Variants in MTIF2 observed in about 807,000 individuals in gnomAD.
MTIF2 encodes the protein translation initiation factor IF-2, mitochondrial.
In MTIF2, 71 loss-of-function variants were observed where a neutral mutation model predicts 83.5. The observed-to-expected ratio is 0.85, with a 90% confidence interval of 0.70 to 1.04. MTIF2 has a LOEUF of 1.04. MTIF2 is among the 50% of genes least tolerant of loss of function. MTIF2 has a pLI of 0.00. For missense variants in MTIF2, 957 were observed against 846.5 expected, an observed-to-expected ratio of 1.13 and a Z score of -1.62; for synonymous variants, 319 against 287.1, an observed-to-expected ratio of 1.11 and a Z score of -1.12.
chr2:55,237,193 A>T, intron 15 of MTIF2, 95 bp downstream of exon 15: 5 of 1,345,736 alleles, frequency 3.7e-6, no homozygotes, highest in Non-Finnish European at 5.1e-6. Flanking sequence ...AGCTGAGATT[A>T]TGGGCATGAA....
chr2:55,239,506 AAC>A (rs770631657), intron 14 of MTIF2, among the ~76,000 whole-genome samples: 10 of 152,202 alleles, frequency 6.6e-5, no homozygotes, highest in East Asian at 1.9e-4. Flanking sequence ...TTAATAAAAA[AAC>A]ACAAAATCTA....
chr2:55,246,270 T>G, intron 10 of MTIF2, 67 bp downstream of exon 10: 1 of 1,465,256 alleles, frequency 6.8e-7, no homozygotes, highest in South Asian at 1.4e-5. Flanking sequence ...AAATAATACA[T>G]TGTCATATAA....
At chr2:55,239,451 C>A (rs1029998893) in intron 14 of MTIF2, among the ~76,000 whole-genome samples, 2 of 151,856 alleles carry the variant, frequency 1.3e-5, no homozygotes, top group African/African-American at 4.8e-5. Flanking sequence ...TGGTTTTTCT[C>A]TTGCAATTTT....
chr2:55,259,329 G>A (rs988421901), intron 5 of MTIF2, among the ~76,000 whole-genome samples: 1 of 152,030 alleles, frequency 6.6e-6, no homozygotes, highest in African/African-American at 2.4e-5. Context: ...GAAGAGATTT[G>A]AATATGAAAT....
chr2:55,237,073 C>T (rs181394927), intron 15 of MTIF2, among the ~76,000 whole-genome samples: 37 of 152,192 alleles, frequency 2.4e-4, no homozygotes, highest in African/African-American at 7.9e-4. Flanking sequence ...TTGCTGAGGA[C>T]AGGATGGTAC....
chr2:55,262,222 G>T, intron 5 of MTIF2, 94 bp downstream of exon 5: 1 of 855,742 alleles, frequency 1.2e-6, no homozygotes, highest in Non-Finnish European at 2.0e-6. Flanking sequence ...TGCCAGTCTA[G>T]TTTTTAATCT....
intron 13 of MTIF2, among the ~76,000 whole-genome samples, chr2:55,242,100 C>T (rs1320358191): frequency 6.6e-6 from 1 of 151,018 alleles, no homozygotes; most frequent in East Asian, 1.9e-4. Flanking sequence ...CGAGACCGTG[C>T]CACTGCACTC....
intron 13 of MTIF2, among the ~76,000 whole-genome samples, chr2:55,240,864 T>C (rs2104295241): frequency 6.6e-6 from 1 of 152,318 alleles, no homozygotes; most frequent in Non-Finnish European, 1.5e-5. Flanking sequence ...ACAATTACAT[T>C]ATTAAATTAT....
Position 55,257,915 on chromosome 2 carries a change from A to G in MTIF2, c.332-3090T>C, listed in dbSNP as rs537556666. ...GGCAGTCCTCCCACCTCAGCCTCCC[A>G]AGAAGCAGGAACTAGAGGCTCACAT... is the stretch of plus-strand genomic sequence containing the variant. On this transcript the variant is annotated intron_variant, in intron 5 of 15. Coordinates refer to ENST00000263629, the MANE Select transcript of MTIF2 (RefSeq NM_002453.3). 4.6e-5 allele frequency among the ~76,000 whole-genome samples: 7 copies of G among 152,250 alleles called. No homozygotes were observed. The East Asian group carries it at 1.4e-3, about 29-fold the overall frequency.
chr2:55,264,288 G>A (rs1175172078), intron 3 of MTIF2, among the ~76,000 whole-genome samples: 1 of 152,194 alleles, frequency 6.6e-6, no homozygotes, highest in Non-Finnish European at 1.5e-5. Context: ...CTGGAATGCA[G>A]TGGTATGGTC....
At position 55,262,352 on chromosome 2, in the gene MTIF2, T is replaced by G; in HGVS notation, c.295A>C (p.Ile99Leu). ...TCCATTGCCCTGGCCAGTTCCTCAA[T>G]AGTCATTCCAATCCATACTTCTACC... ...KVVEVWIGMT[I>L]EELARAMEKN... Residue 99 changes from isoleucine to leucine, a missense_variant, in exon 5 of 16, where the codon ATT (isoleucine) becomes CTT (leucine). By Grantham distance (5) the Ile-to-Leu change is conservative. This residue lies in a region of MTIF2 where 733 missense variants were observed against 648.7 expected (regional missense o/e 1.13). Coordinates refer to ENST00000263629, the MANE Select transcript of MTIF2 (RefSeq NM_002453.3). The G allele has an allele frequency of 6.2e-7, 1 of 1,613,678 alleles. No individual in the cohort carries two copies. Among genetic ancestry groups the G allele is most frequent in the Non-Finnish European group, 8.5e-7 (1 of 1,179,768 alleles).
Position 55,247,467 on chromosome 2 carries a change from C to G in MTIF2, c.982-1006G>C, listed in dbSNP as rs549504882. On this transcript the variant is annotated intron_variant, in intron 9 of 15. Coordinates refer to ENST00000263629, the MANE Select transcript of MTIF2 (RefSeq NM_002453.3). ...ACTCAGGAGGCTGAGACAGGAAAAT[C>G]ACTTGAACCCAGAGGCAGAGGTTGC... Among the ~76,000 whole-genome samples, 3 of 152,202 alleles carry G rather than the reference C, an allele frequency of 2.0e-5. 1 individual carries two copies. The highest frequency in any genetic ancestry group is 4.1e-4 in the South Asian group (2 of 4,820).
rs759717394 is a variant in MTIF2 at position 55,263,758 on chromosome 2, C to T, written c.101G>A (p.Arg34Lys). 2.5e-6 allele frequency: 4 copies of T among 1,614,038 alleles called. No homozygotes were observed. The highest frequency in any genetic ancestry group is 3.4e-6 in the Non-Finnish European group (4 of 1,180,026). The part of the protein sequence containing the change: ...LCQRRALRQW[R>K]HGFSSAYPVW... Reference sequence around the variant, plus strand: ...AGGGTAAGCAGATGAAAACCCATGCCTCCACTGTCTTAATGCTCTTCTTTG... The same window carrying T: ...AGGGTAAGCAGATGAAAACCCATGCTTCCACTGTCTTAATGCTCTTCTTTG... Residue 34 changes from arginine (R) to lysine (K), a missense_variant, in exon 4 of 16, where the codon AGG becomes AAG. Physicochemically the swap from Arg to Lys is conservative, Grantham distance 26. Transcript: ENST00000263629.
chr2:55,244,543 C>T (rs998610700), intron 10 of MTIF2, among the ~76,000 whole-genome samples: 2 of 152,122 alleles, frequency 1.3e-5, no homozygotes, highest in Admixed American at 6.6e-5. Context: ...ACTCAAATGT[C>T]CATCAAAAGA....
intron 9 of MTIF2, 148 bp downstream of exon 9, chr2:55,249,247 G>T: frequency 1.0e-6 from 1 of 999,512 alleles, no homozygotes; most frequent in South Asian, 1.8e-5. Context: ...GCCAAACCAA[G>T]ATAATACCAT....
intron 5 of MTIF2, among the ~76,000 whole-genome samples, chr2:55,260,718 C>A (rs1288344420): frequency 1.3e-5 from 2 of 152,114 alleles, no homozygotes; most frequent in Non-Finnish European, 1.5e-5. Context: ...AATAAGGATA[C>A]CTAACTTTAG....
chr2:55,255,047 T>G, intron 5 of MTIF2, among the ~76,000 whole-genome samples: 1 of 152,092 alleles, frequency 6.6e-6, no homozygotes, highest in African/African-American at 2.4e-5. Context: ...TTCATAAATA[T>G]TTGAATATTT....
In MTIF2 at chr2:55,243,624, T is replaced by C; in HGVS notation, c.1356A>G (p.Glu452=). Residue 452 remains glutamate, a synonymous_variant, in exon 12 of 16, where the codon GAA becomes GAG. Transcript: ENST00000263629. ...EVVDWRKYEQ[E]QEKGQEDLKI... ...TCAGATCCTCCTGACCTTTCTCCTG[T>C]TCTTGTTCATATTTCCTCCAGTCAA... The C allele has an allele frequency of 6.2e-7, 1 of 1,613,994 alleles. No homozygotes were observed. Among genetic ancestry groups the C allele is most frequent in the Non-Finnish European group, 8.5e-7 (1 of 1,179,990 alleles).
rs754411733 is a variant in MTIF2, at chr2:55,240,107, T to C, written c.1774A>G (p.Lys592Glu). 1 of 1,613,912 alleles carries C rather than the reference T, an allele frequency of 6.2e-7. No homozygotes were observed. Among genetic ancestry groups the C allele is most frequent in the Admixed American group, 1.7e-5 (1 of 59,996 alleles). Reference protein sequence around the residue: ...IQQSAAKKGVKIKLHKIIYRL... With the variant: ...IQQSAAKKGVEIKLHKIIYRL... ...TAAATTATTTTGTGAAGTTTAATTTTTACTCCTTTTTTTGCAGCTGACTGT... is the reference window on the plus strand; with the variant it reads ...TAAATTATTTTGTGAAGTTTAATTTCTACTCCTTTTTTTGCAGCTGACTGT... Residue 592 changes from lysine (K) to glutamate (E), a missense_variant, in exon 14 of 16, where the codon AAA becomes GAA. Coordinates refer to ENST00000263629, the MANE Select transcript of MTIF2 (RefSeq NM_002453.3).
Sources: allele counts gnomAD v4.1 joint callset (sites outside exome capture counted in the v4.1 genomes callset), GRCh38; gene constraint gnomAD v4.1.1; regional missense constraint gnomAD v4.1.1; transcripts MANE v1.5; gene names NCBI Gene and HGNC (gene_info 2026-07-23, HGNC 2026-07-21).